The following FN3K variants were observed in gnomAD, a reference collection of about 807,000 sequenced individuals.
FN3K encodes fructosamine 3 kinase.
A neutral mutation model predicts 24.8 loss-of-function variants in FN3K; 24 were observed. The observed-to-expected ratio is 0.97, with a 90% CI of 0.70 to 1.36. The LOEUF is 1.36. FN3K is among the 40% of genes most tolerant of loss of function. The probability of loss-of-function intolerance (pLI) is 0.00; values close to 1 mark genes in which losing one functional copy is unlikely to be tolerated. For synonymous variants in FN3K, 192 were observed against 175.2 expected (o/e 1.10, Z -0.76); for missense variants, 449 against 416.7 (o/e 1.08, Z -0.67).
chr17:82,737,613 C>G (rs898690693), intron 1 of FN3K: 1 of 152,272 alleles, frequency 6.6e-6, no homozygotes, highest in African/African-American at 2.4e-5. Context: ...CGAGCCACCA[C>G]GCACGGCGGT....
intron 4 of FN3K, among the ~76,000 whole-genome samples, chr17:82,744,579 T>C (rs888029179): frequency 3.3e-5 from 5 of 151,296 alleles, no homozygotes; most frequent in Non-Finnish European, 1.5e-5. Flanking sequence ...TCTCGTTAGG[T>C]AGAACGAGAG....
At chr17:82,736,202 G>C (rs1598339567) in intron 1 of FN3K, 1 of 186,156 alleles carries the variant, frequency 5.4e-6, no homozygotes, top group East Asian at 1.6e-4. Context: ...TCTGTGTTTA[G>C]ACCTGATTTC....
At position 82,738,544 on chromosome 17, in the gene FN3K, G is replaced by T; in HGVS notation, c.197G>T (p.Gly66Val). Residue 66 changes from glycine (G) to valine (V), a missense_variant, in exon 2 of 6, where the codon GGC becomes GTC. By Grantham distance (109) the Gly-to-Val change is moderately radical. Coordinates refer to ENST00000300784, the MANE Select transcript of FN3K (RefSeq NM_022158.4). ...VASLEALRST[G>V]LVRVPRPMKV... ...AGCCTGGAGGCCCTCAGGAGCACGGGCCTGGTGCGGGTGCCGAGGCCCATG... is the reference window on the plus strand; with the variant it reads ...AGCCTGGAGGCCCTCAGGAGCACGGTCCTGGTGCGGGTGCCGAGGCCCATG... 6.2e-7 allele frequency: 1 copy of T among 1,612,804 alleles called. No individual in the cohort carries two copies.
At chr17:82,743,760 C>A (rs1357493131) in intron 4 of FN3K, among the ~76,000 whole-genome samples, 1 of 152,240 alleles carries the variant, frequency 6.6e-6, no homozygotes, top group Non-Finnish European at 1.5e-5. Flanking sequence ...ATGCCTGGGT[C>A]CATGGAGCTT....
chr17:82,735,636 C>A lies in FN3K; in HGVS notation c.-1C>A, dbSNP rs943589652. The A allele has an allele frequency of 6.5e-6, 10 of 1,535,682 alleles. No individual in the cohort carries two copies. Among genetic ancestry groups the A allele is most frequent in the Non-Finnish European group, 8.7e-6 (10 of 1,149,264 alleles). ...GAGCAGAGTCCCGCGCCCCGCACTC[C>A]ATGGAGCAGCTGCTGCGCGCCGAGC... On this transcript the variant is annotated 5_prime_UTR_variant, in exon 1 of 6. Transcript: ENST00000300784.
At position 82,750,915 on chromosome 17, in the gene FN3K, C is replaced by CCCGTCCCCCCGT. The variant is rs2047026802; in HGVS notation, c.*162_*163insGTCCCCCCGTCC. On this transcript the variant is annotated 3_prime_UTR_variant, in exon 6 of 6. Transcript: ENST00000300784. ...GTCCCCCCATCCTCCTGTCCCCGTCCCCCCGTCCCCGTCCCTCCATCCCTG... is the reference window on the plus strand; with the variant it reads ...GTCCCCCCATCCTCCTGTCCCCGTCCCCGTCCCCCCGTCCCCGTCCCCGTCCCTCCATCCCTG... 3.5e-5 allele frequency: 13 copies of CCCGTCCCCCCGT among 375,802 alleles called. No individual in the cohort carries two copies. In the African/African-American group the frequency reaches 6.9e-4, roughly 20 times the overall value. 23.3% of individuals were successfully genotyped at this position (375,802 alleles called of 1,614,324 possible).
rs1292287775 is a variant in FN3K, at chr17:82,735,681, G to A, written c.45G>A (p.Arg15=). 1 of 1,540,674 alleles carries A rather than the reference G, an allele frequency of 6.5e-7. No homozygotes were observed. The highest frequency in any genetic ancestry group is 2.4e-5 in the East Asian group (1 of 40,926). The change falls in exon 1 of 6, where the codon CGG becomes CGA. Residue 15 remains arginine (R), a synonymous_variant. Coordinates refer to ENST00000300784, the MANE Select transcript of FN3K (RefSeq NM_022158.4). ...LRAELRTATL[R]AFGGPGAGCI... Reference sequence around the variant, plus strand: ...CCGAGCTGCGCACCGCGACCCTGCGGGCCTTCGGCGGCCCCGGCGCCGGCT... The same window carrying A: ...CCGAGCTGCGCACCGCGACCCTGCGAGCCTTCGGCGGCCCCGGCGCCGGCT...
Position 82,735,665 on chromosome 17 carries a change from G to A in FN3K, c.29G>A (p.Arg10His), listed in dbSNP as rs933440718. The part of the protein sequence containing the change: MEQLLRAEL[R>H]TATLRAFGGP... ...GAGCAGCTGCTGCGCGCCGAGCTGC[G>A]CACCGCGACCCTGCGGGCCTTCGGC... Residue 10 changes from arginine to histidine, a missense_variant, in exon 1 of 6, where the codon CGC becomes CAC. By Grantham distance (29) the Arg-to-His change is conservative. Coordinates refer to ENST00000300784, the MANE Select transcript of FN3K (RefSeq NM_022158.4). 15 of 1,538,400 alleles carry A rather than the reference G, an allele frequency of 9.8e-6. No individual in the cohort carries two copies. Among genetic ancestry groups the A allele is most frequent in the Non-Finnish European group, 1.3e-5 (15 of 1,147,664 alleles).
At chr17:82,741,146 G>A (rs1012760368) in intron 3 of FN3K, 165 bp from the exon 4 acceptor site, 11 of 725,868 alleles carry the variant, frequency 1.5e-5, no homozygotes, top group Non-Finnish European at 2.4e-5. Flanking sequence ...AGGTAGGAGT[G>A]TCCTGGCAGA....
chr17:82,750,541 A>G lies in FN3K; in HGVS notation c.716A>G (p.Tyr239Cys). 3.7e-6 allele frequency: 6 copies of G among 1,614,092 alleles called. No individual in the cohort carries two copies. The highest frequency in any genetic ancestry group is 1.1e-5 in the South Asian group (1 of 91,082). Residue 239 changes from tyrosine to cysteine, a missense_variant, in exon 6 of 6, where the codon TAT becomes TGT. Transcript: ENST00000300784. ...GPIIYDPASFYGHSEFELAIA... is the reference protein window; with the variant it reads ...GPIIYDPASFCGHSEFELAIA... Reference sequence around the variant, plus strand: ...ATTATTTACGACCCGGCTTCCTTCTATGGCCATTCCGAGTTTGAACTGGCA... The same window carrying G: ...ATTATTTACGACCCGGCTTCCTTCTGTGGCCATTCCGAGTTTGAACTGGCA...
At chr17:82,739,910 T>G (rs1350666672) in intron 2 of FN3K, among the ~76,000 whole-genome samples, 3 of 151,638 alleles carry the variant, frequency 2.0e-5, no homozygotes, top group Non-Finnish European at 2.9e-5. Flanking sequence ...TTTCCTTTTT[T>G]TTTTGTTTTT....
At position 82,738,614 on chromosome 17, in the gene FN3K, G is replaced by T; in HGVS notation, c.267G>T (p.Glu89Asp). Residue 89 changes from glutamate (E) to aspartate (D), a missense_variant, in exon 2 of 6, where the codon GAG becomes GAT. Coordinates refer to ENST00000300784, the MANE Select transcript of FN3K (RefSeq NM_022158.4). ...GAGGTGGGGCCGCCTTTGTGATGGA[G>T]CATTTGAAGATGAAGAGCTTGAGCA... ...LPGGGAAFVM[E>D]HLKMKSLSSQ... The T allele has an allele frequency of 6.2e-7, 1 of 1,614,084 alleles. No individual in the cohort carries two copies. The highest frequency in any genetic ancestry group is 1.3e-5 in the African/African-American group (1 of 75,024).
intron 2 of FN3K, among the ~76,000 whole-genome samples, chr17:82,739,356 T>C (rs1033142582): frequency 1.3e-5 from 2 of 152,150 alleles, no homozygotes; most frequent in African/African-American, 4.8e-5. Context: ...TGATGCAATC[T>C]TGGCTCACTG....
At chr17:82,736,027 T>C (rs1293267085) in intron 1 of FN3K, 5 of 473,460 alleles carry the variant, frequency 1.1e-5, no homozygotes, top group Middle Eastern at 1.2e-3. Flanking sequence ...AACTTTCCTA[T>C]CCAGCAAGCG....
intron 1 of FN3K, chr17:82,737,634 C>G (rs1468772104): frequency 6.6e-6 from 1 of 152,146 alleles, no homozygotes; most frequent in Non-Finnish European, 1.5e-5. Flanking sequence ...GGAACTCCAT[C>G]TCTAGTAAAA....
chr17:82,750,263 G>C (rs1264868426), intron 5 of FN3K, among the ~76,000 whole-genome samples, 154 bp from the exon 6 acceptor site: 2 of 152,314 alleles, frequency 1.3e-5, no homozygotes, highest in South Asian at 4.1e-4. Context: ...AGACTCCCCT[G>C]AAGTCAGGTG....
chr17:82,741,843 G>T (rs183830156), intron 4 of FN3K, among the ~76,000 whole-genome samples: 49 of 152,332 alleles, frequency 3.2e-4, no homozygotes, highest in African/African-American at 1.2e-3. Flanking sequence ...TTGGTTTTTA[G>T]TACATTCGTG....
intron 4 of FN3K, among the ~76,000 whole-genome samples, chr17:82,746,661 G>C (rs2046970418): frequency 6.6e-6 from 1 of 152,014 alleles, no homozygotes; most frequent in Non-Finnish European, 1.5e-5. Flanking sequence ...ACATTAGCCA[G>C]GCATGGTGGC....
rs2046895435 is a variant in FN3K, at chr17:82,735,652, C to T, written c.16C>T (p.Arg6Cys). 2 of 1,538,096 alleles carry T rather than the reference C, an allele frequency of 1.3e-6. No individual in the cohort carries two copies. Among genetic ancestry groups the T allele is most frequent in the Non-Finnish European group, 1.7e-6 (2 of 1,149,286 alleles). ...CCCGCACTCCATGGAGCAGCTGCTG[C>T]GCGCCGAGCTGCGCACCGCGACCCT... MEQLL[R>C]AELRTATLRA... The change falls in exon 1 of 6, where the codon CGC becomes TGC. Residue 6 changes from arginine to cysteine, a missense_variant. Arg to Cys is a radical substitution (Grantham distance 180). Coordinates refer to ENST00000300784, the MANE Select transcript of FN3K (RefSeq NM_022158.4).
Sources: allele counts gnomAD v4.1 joint callset (sites outside exome capture counted in the v4.1 genomes callset), GRCh38; gene constraint gnomAD v4.1.1; transcripts MANE v1.5; gene names NCBI Gene and HGNC (gene_info 2026-07-23, HGNC 2026-07-21).